The following TMEM268 variants were observed in gnomAD, a reference collection of about 807,000 sequenced individuals.
The protein encoded by TMEM268 is transmembrane protein 268.
TMEM268 carries 24 observed loss-of-function variants against 39.1 expected under a neutral mutation model. The ratio of observed to expected loss-of-function variants is 0.61; its 90% CI spans 0.44 to 0.86. The LOEUF is 0.86. TMEM268 is among the 40% of genes least tolerant of loss of function. TMEM268 has a pLI of 0.00. For synonymous variants in TMEM268, 176 were observed against 173.5 expected (o/e 1.01, Z -0.12); for missense variants, 409 against 428.6 (o/e 0.95, Z 0.40).
chr9:114,641,638 CAT>C (rs765717242), intron 8 of TMEM268, among the ~76,000 whole-genome samples: 7 of 151,678 alleles, frequency 4.6e-5, no homozygotes, highest in Non-Finnish European at 1.0e-4. Flanking sequence ...AGTAAGATCA[CAT>C]GTCTTTTTTT....
the TMEM268 span, among the ~76,000 whole-genome samples, chr9:114,606,043 G>A: frequency 6.6e-6 from 1 of 151,874 alleles, no homozygotes; most frequent in Non-Finnish European, 1.5e-5. Context: ...CAGAGAGCAT[G>A]ACTGGGTTGT....
intron 8 of TMEM268, among the ~76,000 whole-genome samples, chr9:114,639,351 G>C (rs1220378386): frequency 6.7e-6 from 1 of 149,694 alleles, no homozygotes; most frequent in African/African-American, 2.5e-5. Context: ...TGCCCAGGCT[G>C]GTCTCCAACT....
At chr9:114,641,235 A>C (rs1277767065) in intron 8 of TMEM268, among the ~76,000 whole-genome samples, 2 of 152,104 alleles carry the variant, frequency 1.3e-5, no homozygotes, top group Non-Finnish European at 2.9e-5. Context: ...TATTTTCCTT[A>C]TTCTACCAAT....
chr9:114,627,624 G>A (rs749049086), intron 4 of TMEM268, among the ~76,000 whole-genome samples: 6 of 152,076 alleles, frequency 3.9e-5, no homozygotes, highest in Non-Finnish European at 8.8e-5. Flanking sequence ...GAAAAGGGTG[G>A]GAACCAGCAT....
intron 1 of TMEM268, among the ~76,000 whole-genome samples, chr9:114,612,881 T>G (rs1845560478): frequency 6.6e-6 from 1 of 152,200 alleles, no homozygotes; most frequent in Non-Finnish European, 1.5e-5. Context: ...CAGATTTTAT[T>G]TCCAGTTTCG....
Position 114,617,119 on chromosome 9 carries a change from CA to C in TMEM268, c.-76del. 2.2e-6 allele frequency: 2 copies of C among 918,200 alleles called. No individual in the cohort carries two copies. Among genetic ancestry groups the C allele is most frequent in the Non-Finnish European group, 3.4e-6 (2 of 593,096 alleles). The allele number at this position is 918,200 out of a possible 1,614,324, so 56.9% of individuals were successfully genotyped here. On this transcript the variant is annotated splice_region_variant and 5_prime_UTR_variant, in exon 2 of 9. Transcript: ENST00000288502. Reference sequence around the variant, plus strand: ...TCTTTTTTGTGCTGTTTTCTGAAGGCATATGATGCTGAGCTGGCTGCTCCAG... The same window carrying C: ...TCTTTTTTGTGCTGTTTTCTGAAGGCTATGATGCTGAGCTGGCTGCTCCAG...
At chr9:114,635,760 C>G (rs2133694907) in intron 6 of TMEM268, among the ~76,000 whole-genome samples, 2 of 152,280 alleles carry the variant, frequency 1.3e-5, no homozygotes, top group South Asian at 4.1e-4. Flanking sequence ...AGGTGATACA[C>G]TATCTGGCAT....
In TMEM268 at chr9:114,643,034, C is replaced by T. The variant is rs558534090; in HGVS notation, c.850-100C>T. 231 of 1,263,800 alleles carry T rather than the reference C, an allele frequency of 1.8e-4. 1 individual carries two copies. The East Asian group carries it at 3.6e-3, about 20-fold the overall frequency. The allele number at this position is 1,263,800 out of a possible 1,614,324, so 78.3% of individuals were successfully genotyped here. On this transcript the variant is annotated intron_variant, in intron 8 of 8. Coordinates refer to ENST00000288502, the MANE Select transcript of TMEM268 (RefSeq NM_153045.4). ...TTCCTAGAGAGCATCACTGCTGGGTCCAGGGGCAAGAAAGCAGCATGTCCT... is the reference window on the plus strand; with the variant it reads ...TTCCTAGAGAGCATCACTGCTGGGTTCAGGGGCAAGAAAGCAGCATGTCCT...
At chr9:114,640,285 C>T (rs1337893487) in intron 8 of TMEM268, among the ~76,000 whole-genome samples, 3 of 151,920 alleles carry the variant, frequency 2.0e-5, no homozygotes, top group Admixed American at 6.6e-5. Flanking sequence ...CAAGTGTGTG[C>T]ACATGTTTTT....
rs1204067420 is a variant in TMEM268, at chr9:114,625,447, T to C, written c.216+988T>C. Among the ~76,000 whole-genome samples the C allele has an allele frequency of 2.9e-4, 43 of 149,164 alleles. 1 individual carries two copies. Among genetic ancestry groups the C allele is most frequent in the South Asian group, 4.2e-4 (2 of 4,756 alleles). ...TTTTAGAATTTACTTCTTCTTCTTT[T>C]TTTTTTTTTTTTTTCAAGATAGAGT... On this transcript the variant is annotated intron_variant, in intron 3 of 8. Transcript: ENST00000288502.
intron 5 of TMEM268, among the ~76,000 whole-genome samples, chr9:114,632,195 G>A (rs1311951740): frequency 6.6e-6 from 1 of 151,226 alleles, no homozygotes; most frequent in African/African-American, 2.4e-5. Context: ...TTATCTGCAT[G>A]TATGCTCAGT....
At chr9:114,606,449 T>C (rs2133568784), upstream of TMEM268, among the ~76,000 whole-genome samples, 1 of 152,336 alleles carries the variant, frequency 6.6e-6, no homozygotes, top group Admixed American at 6.5e-5. Context: ...CATTTGAGGA[T>C]GTGACTTCCG....
In TMEM268 at chr9:114,624,394, A is replaced by G. The variant is rs1846073301; in HGVS notation, c.151A>G (p.Thr51Ala). 1 of 1,603,814 alleles carries G rather than the reference A, an allele frequency of 6.2e-7. No homozygotes were observed. The highest frequency in any genetic ancestry group is 1.3e-5 in the African/African-American group (1 of 74,906). ...QVLTVLRIDN[T>A]CAPISFDLGA... ...CCTCACTGTTCTCCGGATTGACAAT[A>G]CCTGTGCACCCATCTCCTTCGACCT... The change falls in exon 3 of 9, where the codon ACC becomes GCC. Residue 51 changes from threonine (T) to alanine (A), a missense_variant. By Grantham distance (58) the Thr-to-Ala change is moderately conservative. Transcript: ENST00000288502.
chr9:114,626,904 G>T lies in TMEM268; in HGVS notation c.222G>T (p.Pro74=). 6 of 1,607,660 alleles carry T rather than the reference G, an allele frequency of 3.7e-6. No individual in the cohort carries two copies. Among genetic ancestry groups the T allele is most frequent in the Non-Finnish European group, 5.1e-6 (6 of 1,174,666 alleles). ...EQLQTWGIQV[P]ADQYRSLAES... is the part of the protein sequence containing the mutation. ...TTTCCCTGGGTTCCAAGCAGGTCCC[G>T]GCTGACCAGTACAGGAGCTTGGCTG... The change falls in exon 4 of 9, where the codon CCG becomes CCT. Residue 74 remains proline, a synonymous_variant. Transcript: ENST00000288502.
In TMEM268 at chr9:114,644,711, G is replaced by A. The variant is rs1827503028; in HGVS notation, c.*1398G>A. The A allele has an allele frequency of 6.6e-6, 1 of 152,098 alleles. No individual in the cohort carries two copies. The highest frequency in any genetic ancestry group is 2.4e-5 in the African/African-American group (1 of 41,404). The allele number at this position is 152,098 out of a possible 1,614,324, so 9.4% of individuals were successfully genotyped here. On this transcript the variant is annotated 3_prime_UTR_variant, in exon 9 of 9. Coordinates refer to ENST00000288502, the MANE Select transcript of TMEM268 (RefSeq NM_153045.4). ...TGGACCTGGGTTCTGGACCTGATCT[G>A]CCACTTCAAGCTGTGTAATTTTTGG...
Position 114,645,907 on chromosome 9 carries a change from G to GC in TMEM268, c.*2594_*2595insC, listed in dbSNP as rs1827553163. 5.9e-5 allele frequency: 9 copies of GC among 152,050 alleles called. No individual in the cohort carries two copies. Among genetic ancestry groups the GC allele is most frequent in the Admixed American group, 3.9e-4 (6 of 15,266 alleles). The allele number at this position is 152,050 out of a possible 1,614,324, so 9.4% of individuals were successfully genotyped here. On this transcript the variant is annotated 3_prime_UTR_variant, in exon 9 of 9. Coordinates refer to ENST00000288502, the MANE Select transcript of TMEM268 (RefSeq NM_153045.4). ...ACCTACTTTACAGGGTTGCTGTGAAGATCGCATACTACACACAGGAATGCT... is the reference window on the plus strand; with the variant it reads ...ACCTACTTTACAGGGTTGCTGTGAAGCATCGCATACTACACACAGGAATGCT...
rs775532207 is a variant in TMEM268 at position 114,633,805 on chromosome 9, A to T, written c.512A>T (p.Asn171Ile). The part of the protein sequence containing the change: ...TNTDLRLAAA[N>I]GALLRHRVLL... ...ACGGACCTGAGGCTGGCAGCTGCCA[A>T]TGGAGCCCTCCTGAGACACCGGGTG... The change falls in exon 6 of 9, where the codon AAT becomes ATT. Residue 171 changes from asparagine to isoleucine, a missense_variant. Asn to Ile is a moderately radical substitution (Grantham distance 149). Coordinates refer to ENST00000288502, the MANE Select transcript of TMEM268 (RefSeq NM_153045.4). The T allele has an allele frequency of 1.9e-6, 3 of 1,604,912 alleles. No homozygotes were observed. The highest frequency in any genetic ancestry group is 2.6e-6 in the Non-Finnish European group (3 of 1,176,004).
intron 3 of TMEM268, among the ~76,000 whole-genome samples, chr9:114,626,408 G>C (rs1846161771): frequency 6.6e-6 from 1 of 152,228 alleles, no homozygotes. Flanking sequence ...TTGCAGTATT[G>C]ATAGTGGCAA....
At chr9:114,622,448 G>T (rs988166151) in intron 2 of TMEM268, 56 of 985,104 alleles carry the variant, frequency 5.7e-5, no homozygotes, top group Non-Finnish European at 6.5e-5. Context: ...GTACTGTGGT[G>T]CAAGGAGATC....
Sources: allele counts gnomAD v4.1 joint callset (sites outside exome capture counted in the v4.1 genomes callset), GRCh38; gene constraint gnomAD v4.1.1; transcripts MANE v1.5; gene names NCBI Gene and HGNC (gene_info 2026-07-23, HGNC 2026-07-21).